The following MYO3B variants were observed in gnomAD, a reference collection of about 807,000 sequenced individuals.
The protein encoded by MYO3B is myosin IIIB, also known as myosin-IIIb.
A neutral mutation model predicts 174.6 loss-of-function variants in MYO3B; 156 were observed. That is an observed-to-expected ratio of 0.89 (90% confidence interval 0.78 to 1.02). The LOEUF is 1.02. Among genes scored for constraint, MYO3B ranks in the 50% least tolerant of loss-of-function variants. MYO3B has a pLI of 0.00. For synonymous variants in MYO3B, 563 were observed against 569.1 expected, an observed-to-expected ratio of 0.99 and a Z score of 0.15; for missense variants, 1,632 against 1,639.4, an observed-to-expected ratio of 1.00 and a Z score of 0.08.
chr2:170,527,070 G>A (rs1689051629), intron 30 of MYO3B, among the ~76,000 whole-genome samples: 1 of 152,144 alleles, frequency 6.6e-6, no homozygotes, highest in Non-Finnish European at 1.5e-5. Context: ...GTCTTTACCT[G>A]CTGATGTTTT....
intron 30 of MYO3B, among the ~76,000 whole-genome samples, chr2:170,536,157 C>G (rs181732143): frequency 2.1e-3 from 319 of 152,242 alleles, no homozygotes; most frequent in African/African-American, 7.0e-3. Context: ...TGTATGGGCT[C>G]ACGGTTGGGG....
chr2:170,650,341 T>C (rs1183371761), intron 32 of MYO3B, among the ~76,000 whole-genome samples: 1 of 152,102 alleles, frequency 6.6e-6, no homozygotes, highest in Non-Finnish European at 1.5e-5. Context: ...ATTTTGGTAT[T>C]AATAATGGAC....
At chr2:170,258,220 A>G (rs781297063) in intron 7 of MYO3B, among the ~76,000 whole-genome samples, 2 of 152,148 alleles carry the variant, frequency 1.3e-5, no homozygotes, top group African/African-American at 2.4e-5. Context: ...AACTTATTCT[A>G]TGAAGCCAGC....
intron 29 of MYO3B, among the ~76,000 whole-genome samples, chr2:170,519,181 A>G (rs991437198): frequency 1.3e-5 from 2 of 152,204 alleles, no homozygotes; most frequent in East Asian, 1.9e-4. Context: ...TGCACTCTTT[A>G]TATCTATTGC....
At chr2:170,275,453 T>C (rs929463758) in intron 7 of MYO3B, among the ~76,000 whole-genome samples, 3 of 152,324 alleles carry the variant, frequency 2.0e-5, no homozygotes, top group Non-Finnish European at 4.4e-5. Flanking sequence ...ATTGTTACTG[T>C]TACTATGACA....
intron 25 of MYO3B, among the ~76,000 whole-genome samples, chr2:170,469,230 C>CCTT (rs1684825266): frequency 6.6e-6 from 1 of 152,156 alleles, no homozygotes; most frequent in South Asian, 2.1e-4. Flanking sequence ...ATTCTAGTCT[C>CCTT]CTTCAGTATA....
chr2:170,289,861 C>T (rs2105414823), intron 7 of MYO3B, among the ~76,000 whole-genome samples: 1 of 152,126 alleles, frequency 6.6e-6, no homozygotes, highest in African/African-American at 2.4e-5. Context: ...CTTAGTGTTG[C>T]TGTTACCGTA....
intron 32 of MYO3B, among the ~76,000 whole-genome samples, chr2:170,573,048 T>C (rs1252122457): frequency 6.6e-6 from 1 of 151,940 alleles, no homozygotes; most frequent in Non-Finnish European, 1.5e-5. Context: ...GTATATATTC[T>C]TTAGAGGTAC....
rs1364450043 is a variant in MYO3B, at chr2:170,499,669, T to C, written c.3150T>C (p.Val1050=). Residue 1050 remains valine, a synonymous_variant, in exon 27 of 35, where the codon GTT becomes GTC. Coordinates refer to ENST00000408978, the MANE Select transcript of MYO3B (RefSeq NM_138995.5). ...KTKVFLKYYH[V]EQLNLLLREV... is the part of the protein sequence containing the mutation. ...AGGTTTTTCTCAAATATTACCATGT[T>C]GAGCAATTAAATTTGCTGCTTCGAG... 6.2e-7 allele frequency: 1 copy of C among 1,614,140 alleles called. No individual in the cohort carries two copies. The highest frequency in any genetic ancestry group is 8.5e-7 in the Non-Finnish European group (1 of 1,179,960).
intron 32 of MYO3B, among the ~76,000 whole-genome samples, 190 bp downstream of exon 32, chr2:170,544,178 T>C (rs1690318434): frequency 6.6e-6 from 1 of 152,222 alleles, no homozygotes; most frequent in Non-Finnish European, 1.5e-5. Context: ...ACCCATGTCA[T>C]TTAAGACAAT....
chr2:170,451,927 C>T (rs558453431), intron 23 of MYO3B, among the ~76,000 whole-genome samples: 2 of 152,276 alleles, frequency 1.3e-5, no homozygotes, highest in South Asian at 4.1e-4. Flanking sequence ...TGGAAGAAGA[C>T]AGTACAACGC....
At chr2:170,483,125 C>T (rs1356334152) in intron 25 of MYO3B, among the ~76,000 whole-genome samples, 1 of 152,246 alleles carries the variant, frequency 6.6e-6, no homozygotes. Context: ...AATTAATATT[C>T]ATTTCACTGT....
chr2:170,449,584 C>G (rs1683463498), intron 23 of MYO3B, among the ~76,000 whole-genome samples: 1 of 152,050 alleles, frequency 6.6e-6, no homozygotes, highest in Non-Finnish European at 1.5e-5. Context: ...TTGAGACCAG[C>G]CTGACCAACA....
intron 30 of MYO3B, among the ~76,000 whole-genome samples, chr2:170,541,236 A>G (rs1208838929): frequency 6.6e-6 from 1 of 152,136 alleles, no homozygotes; most frequent in Admixed American, 6.5e-5. Flanking sequence ...TCAACAGCTA[A>G]ACTCTCTTTC....
intron 1 of MYO3B, among the ~76,000 whole-genome samples, chr2:170,187,095 C>A: frequency 6.6e-6 from 1 of 150,908 alleles, no homozygotes; most frequent in South Asian, 2.1e-4. Context: ...TTTATCTTTT[C>A]AAAAAACAAA....
intron 17 of MYO3B, among the ~76,000 whole-genome samples, chr2:170,400,700 T>G (rs1356935231): frequency 1.3e-5 from 2 of 150,798 alleles, no homozygotes; most frequent in Non-Finnish European, 3.0e-5. Flanking sequence ...CTGCTGGTCT[T>G]TCTAATGGCT....
At chr2:170,311,810 G>A (rs1324271667) in intron 7 of MYO3B, among the ~76,000 whole-genome samples, 1 of 152,004 alleles carries the variant, frequency 6.6e-6, no homozygotes, top group African/African-American at 2.4e-5. Context: ...GTCCAACTTC[G>A]TCTTTTGTGT....
intron 7 of MYO3B, among the ~76,000 whole-genome samples, chr2:170,294,874 A>G (rs1440791306): frequency 1.3e-5 from 2 of 152,118 alleles, no homozygotes; most frequent in African/African-American, 4.8e-5. Context: ...CTATGCACAT[A>G]TAAAGTAGGG....
At chr2:170,436,466 T>G (rs1369256230) in intron 22 of MYO3B, among the ~76,000 whole-genome samples, 1 of 152,212 alleles carries the variant, frequency 6.6e-6, no homozygotes, top group African/African-American at 2.4e-5. Flanking sequence ...GGATTACGAC[T>G]TTGATGTCAC....
Sources: allele counts gnomAD v4.1 joint callset (sites outside exome capture counted in the v4.1 genomes callset), GRCh38; gene constraint gnomAD v4.1.1; transcripts MANE v1.5; gene names NCBI Gene and HGNC (gene_info 2026-07-23, HGNC 2026-07-21).